The following THSD4 variants were observed in gnomAD, a reference collection of about 807,000 sequenced individuals.
THSD4 encodes the protein thrombospondin type-1 domain-containing protein 4.
Under a neutral mutation model 119.0 loss-of-function variants are expected in THSD4, and 69 were observed. That is an observed-to-expected ratio of 0.58 (90% confidence interval 0.48 to 0.71). THSD4 has a LOEUF of 0.71. Ranked by LOEUF, THSD4 falls within the 30% of genes least tolerant of loss-of-function variation. THSD4 has a pLI of 0.00. For synonymous variants in THSD4, 524 were observed against 540.4 expected (o/e 0.97, Z 0.42); for missense variants, 1,393 against 1,391.1 (o/e 1.00, Z -0.02).
chr15:71,609,388 C>T (rs765062274), intron 7 of THSD4, among the ~76,000 whole-genome samples: 15 of 152,192 alleles, frequency 9.9e-5, no homozygotes, highest in Non-Finnish European at 1.6e-4. Context: ...CTCAGCATCT[C>T]TTCAGGTTTT....
intron 6 of THSD4, among the ~76,000 whole-genome samples, chr15:71,272,396 CAAAAAAAAAAAAAAA>C (rs61293620): frequency 2.5e-3 from 137 of 55,604 alleles, no homozygotes; most frequent in Non-Finnish European, 3.5e-3. Flanking sequence ...GACTCTGTCT[CAAAAAAAAAAAAAAA>C]AAAAAAAAAA....
chr15:71,428,928 G>A (rs2046908231), intron 7 of THSD4, among the ~76,000 whole-genome samples: 1 of 152,164 alleles, frequency 6.6e-6, no homozygotes, highest in Non-Finnish European at 1.5e-5. Flanking sequence ...GTGTTAGAGA[G>A]CTTTCTGTTT....
intron 7 of THSD4, among the ~76,000 whole-genome samples, chr15:71,465,545 A>G (rs963690743): frequency 2.0e-5 from 3 of 152,214 alleles, no homozygotes; most frequent in Non-Finnish European, 2.9e-5. Flanking sequence ...AATGAGCCCA[A>G]AGGAAAGAGG....
At chr15:71,235,666 C>T (rs920277076) in intron 4 of THSD4, among the ~76,000 whole-genome samples, 1 of 149,860 alleles carries the variant, frequency 6.7e-6, no homozygotes, top group African/African-American at 2.5e-5. Flanking sequence ...CAGCTCACTG[C>T]CACCTCCGCC....
At chr15:71,395,763 G>A (rs1405035711) in intron 6 of THSD4, among the ~76,000 whole-genome samples, 2 of 151,952 alleles carry the variant, frequency 1.3e-5, no homozygotes, top group East Asian at 3.9e-4. Flanking sequence ...AAAAAAGATG[G>A]TGCGAGCTGG....
chr15:71,641,795 T>C (rs2050862938), intron 7 of THSD4, among the ~76,000 whole-genome samples: 1 of 151,758 alleles, frequency 6.6e-6, no homozygotes, highest in Non-Finnish European at 1.5e-5. Context: ...AACCAAATGC[T>C]AGAAAAGGTA....
At chr15:71,478,307 T>G (rs1180916288) in intron 7 of THSD4, among the ~76,000 whole-genome samples, 1 of 152,244 alleles carries the variant, frequency 6.6e-6, no homozygotes, top group Admixed American at 6.5e-5. Flanking sequence ...TGTGTCTTCG[T>G]CTACTTATTT....
intron 7 of THSD4, among the ~76,000 whole-genome samples, chr15:71,457,963 G>A (rs1301831664): frequency 6.6e-6 from 1 of 152,154 alleles, no homozygotes; most frequent in Non-Finnish European, 1.5e-5. Flanking sequence ...AACAAATGAA[G>A]TCAGGGGATC....
At chr15:71,173,752 T>G (rs2043408556) in intron 3 of THSD4, among the ~76,000 whole-genome samples, 1 of 152,040 alleles carries the variant, frequency 6.6e-6, no homozygotes, top group Non-Finnish European at 1.5e-5. Flanking sequence ...GGACTCATAC[T>G]TTCTGATTTC....
intron 7 of THSD4, among the ~76,000 whole-genome samples, chr15:71,593,083 G>A (rs1367043124): frequency 2.6e-5 from 4 of 152,200 alleles, no homozygotes; most frequent in African/African-American, 9.7e-5. Context: ...GAAGTGAGCA[G>A]AGGTTTCTAT....
chr15:71,377,075 A>ATGGAC (rs2140444986), intron 6 of THSD4, among the ~76,000 whole-genome samples: 1 of 152,328 alleles, frequency 6.6e-6, no homozygotes, highest in East Asian at 1.9e-4. Flanking sequence ...GAGGAAAGAA[A>ATGGAC]TGGACGTGAG....
chr15:71,138,222 C>T (rs1421103725), intron 1 of THSD4, among the ~76,000 whole-genome samples: 1 of 152,138 alleles, frequency 6.6e-6, no homozygotes. Context: ...TACATGGCGG[C>T]AGGTGAGAGA....
chr15:71,410,150 C>T (rs1893626351), intron 6 of THSD4, among the ~76,000 whole-genome samples: 1 of 152,074 alleles, frequency 6.6e-6, no homozygotes, highest in African/African-American at 2.4e-5. Flanking sequence ...GAGAGAAAGA[C>T]AAGGGGGAGA....
intron 6 of THSD4, chr15:71,341,695 A>G (rs780111232): frequency 7.9e-7 from 1 of 1,259,560 alleles, no homozygotes; most frequent in South Asian, 1.2e-5. Context: ...TCTCCGGGTC[A>G]AGTGAATAGC....
At chr15:71,209,820 T>G (rs926345918) in intron 3 of THSD4, among the ~76,000 whole-genome samples, 6 of 152,124 alleles carry the variant, frequency 3.9e-5, no homozygotes, top group Non-Finnish European at 7.4e-5. Flanking sequence ...GGGCGGGTCT[T>G]TCCTGTGCTA....
intron 7 of THSD4, among the ~76,000 whole-genome samples, chr15:71,497,483 A>G (rs1389848075): frequency 1.3e-5 from 2 of 151,658 alleles, no homozygotes; most frequent in African/African-American, 4.8e-5. Context: ...ACAGCATACC[A>G]GCCTGGGTGA....
intron 3 of THSD4, among the ~76,000 whole-genome samples, chr15:71,162,690 T>C (rs1219136265): frequency 6.6e-6 from 1 of 152,036 alleles, no homozygotes; most frequent in Non-Finnish European, 1.5e-5. Context: ...ACTTAGAAAA[T>C]ATTGTTGTTG....
chr15:71,302,229 T>C (rs1182933420), intron 6 of THSD4, among the ~76,000 whole-genome samples: 1 of 152,070 alleles, frequency 6.6e-6, no homozygotes, highest in African/African-American at 2.4e-5. Flanking sequence ...CAGCTTCTCA[T>C]CCCAGGTTGG....
chr15:71,660,417 T>C (rs1330465308), intron 7 of THSD4, 113 bp from the exon 8 acceptor site: 3 of 1,306,572 alleles, frequency 2.3e-6, no homozygotes, highest in South Asian at 1.3e-5. Context: ...TCCTAGAATA[T>C]ACATTTCGTA....
Sources: gnomAD v4.1 joint callset for allele counts (sites outside exome capture counted in the v4.1 genomes callset) on GRCh38, gnomAD v4.1.1 for gene constraint, MANE v1.5 for transcripts, NCBI Gene and HGNC (gene_info 2026-07-23, HGNC 2026-07-21) for gene names.